SNTG1: variants seen among roughly 807,000 people sequenced by gnomAD.
SNTG1 encodes the protein gamma-1-syntrophin.
In SNTG1, 39 loss-of-function variants were observed where a neutral mutation model predicts 74.7. The observed-to-expected ratio is 0.52, with a 90% confidence interval of 0.40 to 0.68. The LOEUF is 0.68. Ranked by LOEUF, SNTG1 falls within the 30% of genes least tolerant of loss-of-function variation. SNTG1 has a pLI of 0.00. For synonymous variants in SNTG1, 254 were observed against 217.1 expected, an observed-to-expected ratio of 1.17 and a Z score of -1.49; for missense variants, 685 against 609.5, an observed-to-expected ratio of 1.12 and a Z score of -1.30.
intron 4 of SNTG1, among the ~76,000 whole-genome samples, chr8:50,437,958 T>C (rs1472558449): frequency 6.6e-6 from 1 of 152,222 alleles, no homozygotes; most frequent in African/African-American, 2.4e-5. Context: ...TTAAAGTTGA[T>C]AATTCAATTA....
intron 15 of SNTG1, among the ~76,000 whole-genome samples, chr8:50,669,821 C>T (rs1296474116): frequency 1.3e-5 from 2 of 152,132 alleles, no homozygotes; most frequent in Admixed American, 1.3e-4. Context: ...AATCCAGCAG[C>T]ACATCAAAAA....
chr8:50,218,390 C>T (rs1382027594), intron 2 of SNTG1, among the ~76,000 whole-genome samples: 2 of 152,082 alleles, frequency 1.3e-5, no homozygotes, highest in Non-Finnish European at 2.9e-5. Context: ...TCCACTATAT[C>T]AGAGTTCAGC....
At chr8:50,460,872 C>T (rs1563417665) in intron 8 of SNTG1, among the ~76,000 whole-genome samples, 1 of 152,016 alleles carries the variant, frequency 6.6e-6, no homozygotes, top group African/African-American at 2.4e-5. Context: ...ACCAAGAATT[C>T]TAATATACCC....
At chr8:50,785,023 T>C (rs544695353) in intron 18 of SNTG1, among the ~76,000 whole-genome samples, 118 of 152,182 alleles carry the variant, frequency 7.8e-4, no homozygotes, top group African/African-American at 2.8e-3. Context: ...AATCTCATCA[T>C]GCTAAAACAT....
chr8:50,330,833 C>G (rs866808574), intron 2 of SNTG1, among the ~76,000 whole-genome samples: 1 of 152,098 alleles, frequency 6.6e-6, no homozygotes, highest in Non-Finnish European at 1.5e-5. Flanking sequence ...ACCATTCGAT[C>G]TTGTAAGAAC....
intron 15 of SNTG1, among the ~76,000 whole-genome samples, chr8:50,670,994 A>G (rs1159239924): frequency 4.0e-5 from 6 of 150,706 alleles, no homozygotes; most frequent in Non-Finnish European, 8.9e-5. Context: ...AGCCATATGT[A>G]GAAAGCTGAA....
intron 1 of SNTG1, among the ~76,000 whole-genome samples, chr8:50,071,041 T>C (rs1258071740): frequency 6.6e-6 from 1 of 152,208 alleles, no homozygotes; most frequent in Non-Finnish European, 1.5e-5. Context: ...ATCCGTGTTC[T>C]AAGGCCTGGA....
chr8:49,922,848 T>G (rs1476840500), intron 1 of SNTG1, among the ~76,000 whole-genome samples: 1 of 152,094 alleles, frequency 6.6e-6, no homozygotes, highest in Non-Finnish European at 1.5e-5. Flanking sequence ...TTCTGTCAAC[T>G]AAAAAAATCA....
At position 50,791,979 on chromosome 8, in the gene SNTG1, G is replaced by A. The variant is rs2131873181; in HGVS notation, c.1396-692G>A. On this transcript the variant is annotated intron_variant, in intron 18 of 18. Transcript: ENST00000642720. Reference sequence around the variant, plus strand: ...TTCTGTTTTCACTGCAATATATATAGTTTGGTTGCCACTGGTAATAAATGG... The same window carrying A: ...TTCTGTTTTCACTGCAATATATATAATTTGGTTGCCACTGGTAATAAATGG... Among the ~76,000 whole-genome samples the A allele has an allele frequency of 1.3e-5, 2 of 151,604 alleles. 1 individual carries two copies. The highest frequency in any genetic ancestry group is 4.1e-4 in the South Asian group (2 of 4,820).
chr8:50,676,964 C>T (rs1303828551), intron 15 of SNTG1, among the ~76,000 whole-genome samples: 5 of 151,910 alleles, frequency 3.3e-5, no homozygotes, highest in Non-Finnish European at 5.9e-5. Context: ...CTATCTAATT[C>T]TGTTTTCCAA....
intron 1 of SNTG1, among the ~76,000 whole-genome samples, chr8:50,039,673 A>G (rs1279863242): frequency 6.6e-6 from 1 of 151,936 alleles, no homozygotes; most frequent in Non-Finnish European, 1.5e-5. Flanking sequence ...TATATTCCCT[A>G]TTTCCCATAT....
rs143805065 is a variant in SNTG1, at chr8:50,667,952, T to G, written c.1038+9289T>G. On this transcript the variant is annotated intron_variant, in intron 15 of 18. Transcript: ENST00000642720. ...TAATAGAACTTTAATTCCCTGGTGA[T>G]TTTTAAAAAACGTTACAGGCCGTGC... Among the ~76,000 whole-genome samples the G allele has an allele frequency of 3.0e-4, 45 of 152,142 alleles. 1 individual carries two copies. Among genetic ancestry groups the G allele is most frequent in the Non-Finnish European group, 2.5e-4 (17 of 67,976 alleles).
At position 50,314,350 on chromosome 8, in the gene SNTG1, T is replaced by C. The variant is rs376990523; in HGVS notation, c.-27-79862T>C. 4.5e-4 allele frequency among the ~76,000 whole-genome samples: 67 copies of C among 149,820 alleles called. 6 individuals carry two copies. In the East Asian group the frequency reaches 4.9e-3, roughly 11 times the overall value. ...ATGCTTCAGTGTAGCTATTTTCATT[T>C]TTCTTGTGCTTAAGCTTTATTGAGA... On this transcript the variant is annotated intron_variant, in intron 2 of 18. Transcript: ENST00000642720.
At chr8:50,451,485 G>A (rs912520626) in intron 8 of SNTG1, among the ~76,000 whole-genome samples, 2 of 152,092 alleles carry the variant, frequency 1.3e-5, no homozygotes. Flanking sequence ...TTCTGTGTGT[G>A]GGGTGGTGGG....
In SNTG1 at chr8:50,592,435, G is replaced by A. The variant is rs1175532273; in HGVS notation, c.849+1518G>A. Among the ~76,000 whole-genome samples, 8 of 152,256 alleles carry A rather than the reference G, an allele frequency of 5.3e-5. 1 individual carries two copies. In the Middle Eastern group the frequency reaches 0.01, roughly 194 times the overall value. Reference sequence around the variant, plus strand: ...TACTACAGAGGTCATTCCGCTGATAGCCCCAAAGCTATTCTGTAATCAATG... The same window carrying A: ...TACTACAGAGGTCATTCCGCTGATAACCCCAAAGCTATTCTGTAATCAATG... On this transcript the variant is annotated intron_variant, in intron 13 of 18. Transcript: ENST00000642720.
chr8:50,474,738 A>G (rs1027024852), intron 8 of SNTG1, among the ~76,000 whole-genome samples: 1 of 152,296 alleles, frequency 6.6e-6, no homozygotes, highest in Admixed American at 6.5e-5. Flanking sequence ...TATCTACCCA[A>G]AAGATTATAA....
chr8:49,996,795 C>A (rs1045122230), intron 1 of SNTG1, among the ~76,000 whole-genome samples: 1 of 151,724 alleles, frequency 6.6e-6, no homozygotes, highest in South Asian at 2.1e-4. Context: ...TAACAAGGAA[C>A]TAAGAAAGTT....
At chr8:50,038,282 G>T (rs1360586173) in intron 1 of SNTG1, among the ~76,000 whole-genome samples, 1 of 152,142 alleles carries the variant, frequency 6.6e-6, no homozygotes, top group Non-Finnish European at 1.5e-5. Context: ...ACTAATCGTA[G>T]ATGTGTACTG....
At chr8:50,398,523 CAT>C (rs1253528777) in intron 3 of SNTG1, among the ~76,000 whole-genome samples, 2 of 152,240 alleles carry the variant, frequency 1.3e-5, no homozygotes, top group African/African-American at 4.8e-5. Context: ...ACAAACCACA[CAT>C]ATTTCCTATC....
Sources: allele counts gnomAD v4.1 joint callset (sites outside exome capture counted in the v4.1 genomes callset), GRCh38; gene constraint gnomAD v4.1.1; transcripts MANE v1.5; gene names NCBI Gene and HGNC (gene_info 2026-07-23, HGNC 2026-07-21).